MACROD2: variants seen among roughly 807,000 people sequenced by gnomAD.
MACROD2 encodes ADP-ribose glycohydrolase MACROD2.
MACROD2 carries 36 observed loss-of-function variants against 70.4 expected under a neutral mutation model. The ratio of observed to expected loss-of-function variants is 0.51; its 90% CI spans 0.39 to 0.68. The LOEUF (loss-of-function observed/expected upper bound fraction) is 0.68. MACROD2 is among the 30% of genes least tolerant of loss of function. MACROD2 has a pLI of 0.00. For synonymous variants in MACROD2, 172 were observed against 178.8 expected (o/e 0.96, Z 0.30); for missense variants, 496 against 538.4 (o/e 0.92, Z 0.78).
intron 7 of MACROD2, among the ~76,000 whole-genome samples, chr20:15,463,731 A>G (rs1368378620): frequency 1.3e-5 from 2 of 152,224 alleles, no homozygotes; most frequent in African/African-American, 4.8e-5. Flanking sequence ...CCTGGGCAAC[A>G]GAGCAAGACT....
At chr20:14,576,357 C>G (rs1476044849) in intron 4 of MACROD2, among the ~76,000 whole-genome samples, 1 of 152,182 alleles carries the variant, frequency 6.6e-6, no homozygotes, top group Non-Finnish European at 1.5e-5. Context: ...AGCCCTGCTG[C>G]CACCTGACAG....
At chr20:15,645,756 A>G (rs895635244) in intron 8 of MACROD2, among the ~76,000 whole-genome samples, 1 of 152,206 alleles carries the variant, frequency 6.6e-6, no homozygotes, top group Admixed American at 6.5e-5. Context: ...GTGTAAATAT[A>G]TAATATGTGG....
At chr20:15,795,113 G>C (rs879644280) in intron 8 of MACROD2, among the ~76,000 whole-genome samples, 1 of 151,990 alleles carries the variant, frequency 6.6e-6, no homozygotes, top group East Asian at 1.9e-4. Flanking sequence ...TGTGAATAGT[G>C]CCCCCAGGGA....
chr20:15,931,230 T>C (rs569250276), intron 10 of MACROD2, among the ~76,000 whole-genome samples: 72 of 152,308 alleles, frequency 4.7e-4, no homozygotes, highest in African/African-American at 1.6e-3. Context: ...CAAAGGCCAA[T>C]GCTGTTTCCT....
intron 5 of MACROD2, among the ~76,000 whole-genome samples, chr20:14,871,987 A>G (rs2073493843): frequency 1.3e-5 from 2 of 152,120 alleles, no homozygotes; most frequent in Non-Finnish European, 2.9e-5. Flanking sequence ...CTAAATATAT[A>G]TGCACCCGAC....
chr20:14,398,071 A>G (rs753930660), intron 3 of MACROD2, among the ~76,000 whole-genome samples: 31 of 152,164 alleles, frequency 2.0e-4, no homozygotes, highest in Non-Finnish European at 3.7e-4. Context: ...TTTTTTATTG[A>G]TAAATAGTAT....
Position 15,420,258 on chromosome 20 carries a change from TG to T in MACROD2, c.541-11146del, listed in dbSNP as rs371613770. Among the ~76,000 whole-genome samples the T allele has an allele frequency of 2.7e-3, 418 of 152,358 alleles. 7 individuals are homozygous for T. The highest frequency in any genetic ancestry group is 9.0e-3 in the African/African-American group (375 of 41,582). On this transcript the variant is annotated intron_variant, in intron 6 of 17. Transcript: ENST00000684519. ...AGAGGGCTGCTACTATTCATGGCCA[TG>T]TAATAGTTTGTTTTATACTGCATGG...
At chr20:14,711,609 G>C (rs997418595) in intron 5 of MACROD2, among the ~76,000 whole-genome samples, 12 of 152,054 alleles carry the variant, frequency 7.9e-5, no homozygotes, top group East Asian at 3.9e-4. Flanking sequence ...CAAAACTAAC[G>C]AGTGTTTGTC....
At chr20:15,987,281 C>G in intron 15 of MACROD2, 123 bp downstream of exon 15, 1 of 746,390 alleles carries the variant, frequency 1.3e-6, no homozygotes, top group Non-Finnish European at 2.2e-6. Flanking sequence ...ACGAACATTT[C>G]CTTAACCCCA....
chr20:16,042,115 T>C lies in MACROD2; in HGVS notation c.1231+837T>C, dbSNP rs577459670. ...TTTAGCCAATGGTGGATGTTATTTA[T>C]AGTTTTAAATAGAATTTCCTATACC... On this transcript the variant is annotated intron_variant, in intron 16 of 17. Transcript: ENST00000684519. 3.3e-5 allele frequency among the ~76,000 whole-genome samples: 5 copies of C among 152,202 alleles called. No individual in the cohort carries two copies. The East Asian group carries it at 7.7e-4, about 24-fold the overall frequency.
intron 6 of MACROD2, among the ~76,000 whole-genome samples, chr20:15,366,934 G>C (rs777807752): frequency 9.9e-5 from 15 of 151,950 alleles, no homozygotes; most frequent in African/African-American, 3.6e-4. Flanking sequence ...GTTTTGTCTT[G>C]ACACACTAAT....
chr20:15,386,898 C>A (rs968815111), intron 6 of MACROD2, among the ~76,000 whole-genome samples: 2 of 152,120 alleles, frequency 1.3e-5, no homozygotes, highest in African/African-American at 4.8e-5. Context: ...ATCTGTGATC[C>A]CTGGCTGACT....
At chr20:15,816,224 A>G (rs2063873133) in intron 8 of MACROD2, among the ~76,000 whole-genome samples, 1 of 152,118 alleles carries the variant, frequency 6.6e-6, no homozygotes, top group Non-Finnish European at 1.5e-5. Context: ...TATATTGCAA[A>G]TTATCTGGTA....
chr20:15,392,883 C>T (rs1568772089), intron 6 of MACROD2, among the ~76,000 whole-genome samples: 1 of 151,308 alleles, frequency 6.6e-6, no homozygotes, highest in Non-Finnish European at 1.5e-5. Flanking sequence ...GGAAATTGTA[C>T]AGTGTAAAGT....
chr20:14,356,825 G>C (rs1221158429), intron 3 of MACROD2, among the ~76,000 whole-genome samples: 4 of 152,214 alleles, frequency 2.6e-5, no homozygotes. Flanking sequence ...ACTTTCAAGA[G>C]ACCTCACGCA....
At chr20:14,538,264 A>G (rs923767109) in intron 4 of MACROD2, among the ~76,000 whole-genome samples, 1 of 152,194 alleles carries the variant, frequency 6.6e-6, no homozygotes, top group Non-Finnish European at 1.5e-5. Flanking sequence ...CCCTTTTCTC[A>G]GGGCTAAACC....
At chr20:15,084,821 G>A (rs978942355) in intron 5 of MACROD2, among the ~76,000 whole-genome samples, 2 of 152,166 alleles carry the variant, frequency 1.3e-5, no homozygotes, top group African/African-American at 4.8e-5. Context: ...AACTTGTAAT[G>A]CTGCATTAAA....
Position 14,508,884 on chromosome 20 carries a change from A to G in MACROD2, c.301+15376A>G, listed in dbSNP as rs574835549. 3.3e-5 allele frequency among the ~76,000 whole-genome samples: 5 copies of G among 152,258 alleles called. No individual in the cohort carries two copies. In the South Asian group the frequency reaches 1.0e-3, roughly 32 times the overall value. On this transcript the variant is annotated intron_variant, in intron 4 of 17. Coordinates refer to ENST00000684519, the MANE Select transcript of MACROD2 (RefSeq NM_001351661.2). ...TATCCATGTAGCCACCTATTTATCC[A>G]TCTACCAATCCATCCTTTTTGCTTA...
At chr20:14,705,289 C>T (rs2071256099) in intron 5 of MACROD2, among the ~76,000 whole-genome samples, 1 of 152,028 alleles carries the variant, frequency 6.6e-6, no homozygotes, top group Non-Finnish European at 1.5e-5. Flanking sequence ...TGTCCCTTCC[C>T]CTCCCAAGCA....
Sources: allele counts gnomAD v4.1 joint callset (sites outside exome capture counted in the v4.1 genomes callset), GRCh38; gene constraint gnomAD v4.1.1; transcripts MANE v1.5; gene names NCBI Gene and HGNC (gene_info 2026-07-23, HGNC 2026-07-21).